Variants in UTP25 observed in about 807,000 individuals in gnomAD.
The protein encoded by UTP25 is U3 small nucleolar RNA-associated protein 25 homolog.
Under a neutral mutation model 78.9 loss-of-function variants are expected in UTP25, and 50 were observed. The observed-to-expected ratio is 0.63, with a 90% confidence interval of 0.50 to 0.80. The LOEUF (loss-of-function observed/expected upper bound fraction) is 0.80, where lower values mean the gene tolerates loss of function less well. Ranked by LOEUF, UTP25 falls within the 30% of genes least tolerant of loss-of-function variation. The pLI is 0.00. For synonymous variants in UTP25, 329 were observed against 336.5 expected (o/e 0.98, Z 0.24); for missense variants, 846 against 911.3 (o/e 0.93, Z 0.92).
intron 1 of UTP25, 66 bp downstream of exon 1, chr1:209,828,236 C>A: frequency 8.0e-7 from 1 of 1,256,454 alleles, no homozygotes; most frequent in Non-Finnish European, 1.2e-6. Flanking sequence ...GTCCTCTGGT[C>A]TCCCAGATAG....
rs2078281557 is a variant in UTP25, at chr1:209,856,982, T to C, written c.*5535T>C. 6.6e-6 allele frequency: 1 copy of C among 152,230 alleles called. No homozygotes were observed. Among genetic ancestry groups the C allele is most frequent in the African/African-American group, 2.4e-5 (1 of 41,454 alleles). 9.4% of individuals were successfully genotyped at this position (152,230 alleles called of 1,614,324 possible). A position where few individuals can be genotyped will look rare whatever the true frequency, so the allele number is the denominator to read the frequency against. ...CCTGTTTCTCATCTCTTCTAGTGTA[T>C]GTCAAAGCTAAATTAGGTCAAATAG... On this transcript the variant is annotated 3_prime_UTR_variant, in exon 12 of 12. Transcript: ENST00000491415.
chr1:209,832,015 A>G (rs1330277234), intron 3 of UTP25, among the ~76,000 whole-genome samples: 2 of 150,822 alleles, frequency 1.3e-5, no homozygotes, highest in East Asian at 2.0e-4. Flanking sequence ...ACCTTCTGGT[A>G]TTATATATCA....
chr1:209,837,585 A>T (rs2078140745), intron 6 of UTP25, among the ~76,000 whole-genome samples: 1 of 152,228 alleles, frequency 6.6e-6, no homozygotes, highest in Non-Finnish European at 1.5e-5. Flanking sequence ...GACAACCCCA[A>T]ATTCGTAGAA....
intron 11 of UTP25, 54 bp from the exon 12 acceptor site, chr1:209,851,150 T>G: frequency 6.4e-7 from 1 of 1,568,054 alleles, no homozygotes; most frequent in Non-Finnish European, 8.6e-7. Flanking sequence ...CTAGGTAGTT[T>G]TTCTAGAACT....
At chr1:209,850,662 C>A (rs561405060) in intron 11 of UTP25, among the ~76,000 whole-genome samples, 42 of 152,330 alleles carry the variant, frequency 2.8e-4, no homozygotes, top group Non-Finnish European at 5.4e-4. Context: ...ATTGCTTTCT[C>A]ATGATGCCTA....
Position 209,843,491 on chromosome 1 carries a change from G to A in UTP25, c.1822G>A (p.Asp608Asn), listed in dbSNP as rs766750590. The A allele has an allele frequency of 1.9e-6, 3 of 1,614,116 alleles. No homozygotes were observed. The highest frequency in any genetic ancestry group is 2.5e-6 in the Non-Finnish European group (3 of 1,180,010). ...GAACAAGATTTTGCCACAGTATCGT[G>A]ATGCAGTCATGTCTCACACGCTCAT... is the stretch of plus-strand genomic sequence containing the variant. ...FVNKILPQYR[D>N]AVMSHTLIYI... Residue 608 changes from aspartate to asparagine, a missense_variant, in exon 11 of 12, where the codon GAT (aspartate) becomes AAT (asparagine). Coordinates refer to ENST00000491415, the MANE Select transcript of UTP25 (RefSeq NM_014388.7).
intron 3 of UTP25, among the ~76,000 whole-genome samples, chr1:209,832,043 G>T (rs1345218903): frequency 6.7e-6 from 1 of 150,282 alleles, no homozygotes; most frequent in African/African-American, 2.4e-5. Flanking sequence ...TATTTTAACT[G>T]ATCAGTTTTA....
chr1:209,840,532 C>T (rs1255177845), intron 7 of UTP25, among the ~76,000 whole-genome samples: 1 of 152,156 alleles, frequency 6.6e-6, no homozygotes, highest in Non-Finnish European at 1.5e-5. Flanking sequence ...AGAGTCATTT[C>T]TCTGGAGTCC....
chr1:209,829,215 A>G (rs1284259644), intron 1 of UTP25, among the ~76,000 whole-genome samples: 1 of 152,204 alleles, frequency 6.6e-6, no homozygotes, highest in Non-Finnish European at 1.5e-5. Context: ...TCAAACATCA[A>G]TTCTTTGCGT....
chr1:209,849,320 A>C (rs1484970840), intron 11 of UTP25, among the ~76,000 whole-genome samples: 1 of 152,060 alleles, frequency 6.6e-6, no homozygotes, highest in Non-Finnish European at 1.5e-5. Context: ...TGCTTGTATC[A>C]GTGCAGGAAC....
At chr1:209,829,558 A>G (rs2078091215) in intron 1 of UTP25, among the ~76,000 whole-genome samples, 2 of 150,576 alleles carry the variant, frequency 1.3e-5, no homozygotes, top group South Asian at 4.2e-4. Context: ...ATCCTGGCTC[A>G]CTGCAGCCAC....
At chr1:209,848,918 C>T (rs1278556621) in intron 11 of UTP25, among the ~76,000 whole-genome samples, 1 of 152,206 alleles carries the variant, frequency 6.6e-6, no homozygotes, top group African/African-American at 2.4e-5. Flanking sequence ...TTGATTGTTA[C>T]TGTAGATACC....
chr1:209,850,854 G>A (rs1245888973), intron 11 of UTP25, among the ~76,000 whole-genome samples: 2 of 152,164 alleles, frequency 1.3e-5, no homozygotes. Flanking sequence ...TAAGGCTAAT[G>A]TTCCATTTTA....
chr1:209,832,159 A>G (rs2102568528), intron 3 of UTP25, among the ~76,000 whole-genome samples: 1 of 151,994 alleles, frequency 6.6e-6, no homozygotes, highest in South Asian at 2.1e-4. Flanking sequence ...TATCATTATA[A>G]AAATAATATA....
intron 11 of UTP25, among the ~76,000 whole-genome samples, chr1:209,846,238 T>C (rs752627146): frequency 6.6e-6 from 1 of 152,206 alleles, no homozygotes; most frequent in Non-Finnish European, 1.5e-5. Context: ...TTAGGAAGAT[T>C]AGAATTCATT....
intron 11 of UTP25, among the ~76,000 whole-genome samples, chr1:209,847,178 A>G (rs548279911): frequency 6.6e-6 from 1 of 151,778 alleles, no homozygotes; most frequent in Admixed American, 6.6e-5. Context: ...TATATTGTGG[A>G]TTTTTGTGTA....
chr1:209,839,605 T>G (rs2102574778), intron 7 of UTP25, among the ~76,000 whole-genome samples: 1 of 152,324 alleles, frequency 6.6e-6, no homozygotes, highest in East Asian at 1.9e-4. Flanking sequence ...AATTTTCACA[T>G]TTTTGCTTGT....
At chr1:209,830,724 A>C (rs2078098415) in intron 2 of UTP25, 79 bp from the exon 3 acceptor site, 4 of 1,524,106 alleles carry the variant, frequency 2.6e-6, no homozygotes, top group Non-Finnish European at 3.5e-6. Flanking sequence ...CGTTGAATAG[A>C]TGTTGGCTTG....
Position 209,840,968 on chromosome 1 carries a change from G to A in UTP25, c.1398G>A (p.Lys466=), listed in dbSNP as rs1173284682. ...TCATTGGTGGAGAAGGAGAGAAGAA[G>A]AGAGATTTTGACTTTCTGTCTTCTA... is the stretch of plus-strand genomic sequence containing the variant. ...RTIIGGEGEK[K]RDFDFLSSIE... Residue 466 remains lysine (K), a synonymous_variant, in exon 8 of 12, where the codon AAG becomes AAA. Transcript: ENST00000491415. The A allele has an allele frequency of 1.2e-6, 2 of 1,614,094 alleles. No individual in the cohort carries two copies. Among genetic ancestry groups the A allele is most frequent in the African/African-American group, 2.7e-5 (2 of 75,044 alleles).
Sources: gnomAD v4.1 joint callset for allele counts (sites outside exome capture counted in the v4.1 genomes callset) on GRCh38, gnomAD v4.1.1 for gene constraint, MANE v1.5 for transcripts, NCBI Gene and HGNC (gene_info 2026-07-23, HGNC 2026-07-21) for gene names.